NELL1: variants seen among roughly 807,000 people sequenced by gnomAD.
NELL1 encodes protein kinase C-binding protein NELL1.
A neutral mutation model predicts 107.4 loss-of-function variants in NELL1; 76 were observed. That is an observed-to-expected ratio of 0.71 (90% CI 0.59 to 0.86). The LOEUF (loss-of-function observed/expected upper bound fraction) is 0.86, where lower values mean the gene tolerates loss of function less well. Ranked by LOEUF, NELL1 falls within the 40% of genes least tolerant of loss-of-function variation. NELL1 has a pLI of 0.00. For synonymous variants in NELL1, 353 were observed against 341.2 expected, an observed-to-expected ratio of 1.03 and a Z score of -0.38; for missense variants, 1,024 against 1,005.5, an observed-to-expected ratio of 1.02 and a Z score of -0.25.
chr11:21,551,896 A>G (rs924744363), intron 16 of NELL1, among the ~76,000 whole-genome samples: 4 of 149,146 alleles, frequency 2.7e-5, no homozygotes, highest in Non-Finnish European at 6.0e-5. Context: ...CCAAATGTCC[A>G]ACAATGATAG....
intron 14 of NELL1, among the ~76,000 whole-genome samples, chr11:21,315,311 TG>T (rs1230718896): frequency 6.6e-6 from 1 of 152,186 alleles, no homozygotes; most frequent in African/African-American, 2.4e-5. Flanking sequence ...GAACTGAGAT[TG>T]GAACCAGAAT....
At chr11:20,687,314 A>G (rs1854331227) in intron 2 of NELL1, among the ~76,000 whole-genome samples, 1 of 151,980 alleles carries the variant, frequency 6.6e-6, no homozygotes, top group African/African-American at 2.4e-5. Context: ...GTGTGACCAA[A>G]ACTAAGGACT....
intron 14 of NELL1, among the ~76,000 whole-genome samples, chr11:21,327,751 C>T (rs1850178275): frequency 6.6e-6 from 1 of 151,950 alleles, no homozygotes; most frequent in Non-Finnish European, 1.5e-5. Context: ...GACCAAAATG[C>T]TAGTAATGAT....
At chr11:20,959,617 T>A (rs954108954) in intron 11 of NELL1, among the ~76,000 whole-genome samples, 6 of 152,068 alleles carry the variant, frequency 3.9e-5, no homozygotes, top group African/African-American at 9.7e-5. Context: ...AGTTAGGCTA[T>A]GAGGATGCAA....
At chr11:21,043,423 G>A (rs1218674504) in intron 12 of NELL1, among the ~76,000 whole-genome samples, 1 of 152,090 alleles carries the variant, frequency 6.6e-6, no homozygotes, top group Non-Finnish European at 1.5e-5. Context: ...TAGGGAGTGT[G>A]GCTTTTGCTG....
At chr11:20,722,030 T>G (rs1366516706) in intron 2 of NELL1, among the ~76,000 whole-genome samples, 1 of 151,494 alleles carries the variant, frequency 6.6e-6, no homozygotes, top group Non-Finnish European at 1.5e-5. Context: ...TTTTTTTTTT[T>G]TTTTTTTTGA....
intron 9 of NELL1, among the ~76,000 whole-genome samples, chr11:20,928,752 G>T (rs1365575139): frequency 6.6e-6 from 1 of 151,978 alleles, no homozygotes; most frequent in Non-Finnish European, 1.5e-5. Flanking sequence ...GTGTTCACAG[G>T]GATTAAGTCA....
At chr11:21,154,417 T>C (rs545041302) in intron 13 of NELL1, among the ~76,000 whole-genome samples, 7 of 152,298 alleles carry the variant, frequency 4.6e-5, no homozygotes, top group Non-Finnish European at 7.4e-5. Context: ...AAAACTGAAC[T>C]GTGAAATCCA....
chr11:21,450,780 G>A (rs965901978), intron 15 of NELL1, among the ~76,000 whole-genome samples: 8 of 152,020 alleles, frequency 5.3e-5, no homozygotes, highest in African/African-American at 1.9e-4. Context: ...AAAATATTTT[G>A]AATAGTCCCT....
At chr11:21,506,583 G>A (rs1414912620) in intron 15 of NELL1, among the ~76,000 whole-genome samples, 1 of 152,122 alleles carries the variant, frequency 6.6e-6, no homozygotes, top group African/African-American at 2.4e-5. Context: ...AATGGGACAT[G>A]GGGCCAACAA....
intron 3 of NELL1, among the ~76,000 whole-genome samples, chr11:20,793,364 T>C (rs1012396263): frequency 1.3e-5 from 2 of 152,146 alleles, no homozygotes; most frequent in African/African-American, 4.8e-5. Flanking sequence ...ATTTTATTTC[T>C]AATGTGTGAT....
chr11:21,067,591 A>G (rs1371945084), intron 12 of NELL1, among the ~76,000 whole-genome samples: 1 of 152,206 alleles, frequency 6.6e-6, no homozygotes, highest in Non-Finnish European at 1.5e-5. Context: ...CTTGGGGAAA[A>G]AGATGTGTTA....
chr11:20,827,867 T>C (rs149612262), intron 3 of NELL1, among the ~76,000 whole-genome samples: 7 of 151,390 alleles, frequency 4.6e-5, no homozygotes, highest in Non-Finnish European at 1.0e-4. Context: ...TGCAAAACTG[T>C]TTAAGTGACT....
At chr11:20,724,323 A>C (rs1855461028) in intron 2 of NELL1, among the ~76,000 whole-genome samples, 1 of 152,228 alleles carries the variant, frequency 6.6e-6, no homozygotes, top group Non-Finnish European at 1.5e-5. Flanking sequence ...CAAATTTTCC[A>C]AACTTATATA....
intron 14 of NELL1, among the ~76,000 whole-genome samples, chr11:21,345,193 T>A (rs1305255524): frequency 6.6e-6 from 1 of 152,170 alleles, no homozygotes; most frequent in Non-Finnish European, 1.5e-5. Flanking sequence ...TTGCCTCTTC[T>A]GCAAAGGAAG....
chr11:20,735,818 T>A (rs2133927708), intron 2 of NELL1, among the ~76,000 whole-genome samples: 1 of 152,184 alleles, frequency 6.6e-6, no homozygotes, highest in East Asian at 1.9e-4. Context: ...TTTAGGGAGT[T>A]TTTGTTTTGG....
At chr11:21,573,545 A>T in intron 19 of NELL1, 136 bp downstream of exon 19, 1 of 752,068 alleles carries the variant, frequency 1.3e-6, no homozygotes. Context: ...TACTTCTCAT[A>T]GGAATTTAAT....
At chr11:21,157,260 T>C (rs1327530374) in intron 13 of NELL1, among the ~76,000 whole-genome samples, 3 of 152,092 alleles carry the variant, frequency 2.0e-5, no homozygotes, top group Non-Finnish European at 2.9e-5. Context: ...CTTAGAATGA[T>C]ATTATGCTTG....
chr11:21,357,706 A>G (rs1357486855), intron 14 of NELL1, among the ~76,000 whole-genome samples: 1 of 152,166 alleles, frequency 6.6e-6, no homozygotes, highest in African/African-American at 2.4e-5. Context: ...GCTCTTGGTA[A>G]TTAACTCTTT....
Sources: allele counts gnomAD v4.1 joint callset (sites outside exome capture counted in the v4.1 genomes callset), GRCh38; gene constraint gnomAD v4.1.1; transcripts MANE v1.5; gene names NCBI Gene and HGNC (gene_info 2026-07-23, HGNC 2026-07-21).